Variants in CAMK2A observed in about 807,000 individuals in gnomAD.
The protein encoded by CAMK2A is calcium/calmodulin-dependent protein kinase type II subunit alpha.
CAMK2A carries 7 observed loss-of-function variants against 79.2 expected under a neutral mutation model. The ratio of observed to expected loss-of-function variants is 0.09; its 90% CI spans 0.05 to 0.17. The LOEUF (loss-of-function observed/expected upper bound fraction) is 0.17. Ranked by LOEUF, CAMK2A falls within the 10% of genes least tolerant of loss-of-function variation. The pLI is 1.00. For synonymous variants in CAMK2A, 242 were observed against 251.7 expected (o/e 0.96, Z 0.36); for missense variants, 214 against 646.4 (o/e 0.33, Z 7.25).
rs1234760774 is a variant in CAMK2A at position 150,256,716 on chromosome 5, A to G, written c.338+50T>C. 13 of 1,609,008 alleles carry G rather than the reference A, an allele frequency of 8.1e-6. No homozygotes were observed. Among genetic ancestry groups the G allele is most frequent in the Non-Finnish European group, 1.0e-5 (12 of 1,175,616 alleles). On this transcript the variant is annotated intron_variant, in intron 5 of 18. Transcript: ENST00000671881. This position sits in a 1 kb window ranked among gnomAD's most constrained non-coding sequence, Gnocchi z 4.6. Reference sequence around the variant, plus strand: ...CTCCCCTGGGAAGCTGACAGCAGGCAAGAGTGCCCTGTCCCCGGGTGCCAT... The same window carrying G: ...CTCCCCTGGGAAGCTGACAGCAGGCGAGAGTGCCCTGTCCCCGGGTGCCAT...
chr5:150,288,973 G>A (rs1045996063), intron 1 of CAMK2A, among the ~76,000 whole-genome samples: 10 of 152,248 alleles, frequency 6.6e-5, no homozygotes, highest in South Asian at 2.1e-4. Context: ...CCCAACACCC[G>A]GGAAGCCTGT....
intron 16 of CAMK2A, among the ~76,000 whole-genome samples, chr5:150,230,712 C>T (rs545302310): frequency 6.6e-6 from 1 of 152,330 alleles, no homozygotes; most frequent in East Asian, 1.9e-4. Context: ...ACACAGCTGC[C>T]CCTCCAAAGG....
At chr5:150,266,657 C>A (rs539482988) in intron 2 of CAMK2A, among the ~76,000 whole-genome samples, 1 of 152,216 alleles carries the variant, frequency 6.6e-6, no homozygotes, top group South Asian at 2.1e-4. Context: ...ATGATTTTTA[C>A]CCAGACAGTT....
chr5:150,255,371 GC>G lies in CAMK2A; in HGVS notation c.411+1201del, dbSNP rs574788516. ...GAGAGGGGCAGGGTCTCTCTTCAGAGCATTGTGCCCCAAAGAGGGACCCAGA... is the reference window on the plus strand; with the variant it reads ...GAGAGGGGCAGGGTCTCTCTTCAGAGATTGTGCCCCAAAGAGGGACCCAGA... On this transcript the variant is annotated intron_variant, in intron 6 of 18. Coordinates refer to ENST00000671881, the MANE Select transcript of CAMK2A (RefSeq NM_015981.4). 2.1e-3 allele frequency among the ~76,000 whole-genome samples: 317 copies of G among 152,372 alleles called. 1 individual carries two copies. The highest frequency in any genetic ancestry group is 3.1e-3 in the Non-Finnish European group (213 of 68,032).
intron 16 of CAMK2A, among the ~76,000 whole-genome samples, chr5:150,230,221 G>A (rs1486138616): frequency 6.6e-6 from 1 of 150,978 alleles, no homozygotes; most frequent in Admixed American, 6.6e-5. Context: ...AGGAGGCTGA[G>A]GCAGGAGAAT....
chr5:150,256,611 G>A lies in CAMK2A; in HGVS notation c.373C>T (p.His125Tyr), dbSNP rs2150284751. The A allele has an allele frequency of 6.2e-7, 1 of 1,613,940 alleles. No individual in the cohort carries two copies. Among genetic ancestry groups the A allele is most frequent in the Non-Finnish European group, 8.5e-7 (1 of 1,180,000 alleles). Residue 125 changes from histidine (H) to tyrosine (Y), a missense_variant, in exon 6 of 19, where the codon CAC (histidine) becomes TAC (tyrosine). Physicochemically the swap from His to Tyr is moderately conservative, Grantham distance 83. Around this residue, in one of 4 missense-constraint regions of CAMK2A, gnomAD observed 72 missense variants for 333.9 expected, o/e 0.22. Coordinates refer to ENST00000671881, the MANE Select transcript of CAMK2A (RefSeq NM_015981.4). This position sits in a 1 kb window ranked among gnomAD's most constrained non-coding sequence, Gnocchi z 4.6. ...TGCACCACCCCCATCTGGTGGCAGT[G>A]CAGCACAGCCTCCAGGATCTGCTGG... The part of the protein sequence containing the change: ...CIQQILEAVL[H>Y]CHQMGVVHRD...
At chr5:150,230,988 A>G (rs902045210) in intron 16 of CAMK2A, among the ~76,000 whole-genome samples, 1 of 152,122 alleles carries the variant, frequency 6.6e-6, no homozygotes, top group Non-Finnish European at 1.5e-5. Flanking sequence ...GAGGAGGCCC[A>G]TGCTGTGATA....
chr5:150,257,271 C>A (rs918139763), intron 4 of CAMK2A, among the ~76,000 whole-genome samples: 3 of 151,394 alleles, frequency 2.0e-5, no homozygotes, highest in Admixed American at 1.3e-4. Flanking sequence ...CAACACTCCT[C>A]AAAAAAAAAT....
At chr5:150,224,543 G>A (rs1168223496) in intron 17 of CAMK2A, among the ~76,000 whole-genome samples, 1 of 151,922 alleles carries the variant, frequency 6.6e-6, no homozygotes, top group East Asian at 1.9e-4. Flanking sequence ...TCAGAAGCAC[G>A]CTACACCCAG....
chr5:150,265,062 T>C, intron 2 of CAMK2A, 47 bp from the exon 3 acceptor site: 2 of 1,380,456 alleles, frequency 1.4e-6, no homozygotes, highest in South Asian at 2.3e-5. Flanking sequence ...AAGGAACCAT[T>C]ACCCTCCATC....
intron 13 of CAMK2A, among the ~76,000 whole-genome samples, chr5:150,240,765 C>T (rs1240871137): frequency 6.6e-6 from 1 of 152,214 alleles, no homozygotes. Flanking sequence ...AACCCAGGCC[C>T]TGCGTTCAGG....
Position 150,251,976 on chromosome 5 carries a change from A to G in CAMK2A, c.598+6T>C. 6.2e-7 allele frequency: 1 copy of G among 1,612,692 alleles called. No homozygotes were observed. The highest frequency in any genetic ancestry group is 8.5e-7 in the Non-Finnish European group (1 of 1,179,002). ...GGGGCACAAAAGGGCCTTAGGATGA[A>G]CTCACCACAAGCCCACAGGTCCACA... On this transcript the variant is annotated splice_donor_region_variant and intron_variant, in intron 8 of 18. Coordinates refer to ENST00000671881, the MANE Select transcript of CAMK2A (RefSeq NM_015981.4).
intron 13 of CAMK2A, among the ~76,000 whole-genome samples, chr5:150,244,868 GA>G (rs1213280743): frequency 1.3e-5 from 2 of 152,150 alleles, no homozygotes; most frequent in Non-Finnish European, 2.9e-5. Context: ...GAGAACCACA[GA>G]AATCTCCTTC....
chr5:150,287,128 C>A (rs560871067), intron 1 of CAMK2A, among the ~76,000 whole-genome samples: 1 of 152,188 alleles, frequency 6.6e-6, no homozygotes, highest in African/African-American at 2.4e-5. Context: ...AGAGCAGGAG[C>A]CCCAGGCTCC....
chr5:150,235,925 C>A (rs1466765886), intron 15 of CAMK2A, among the ~76,000 whole-genome samples: 3 of 152,130 alleles, frequency 2.0e-5, no homozygotes, highest in African/African-American at 7.2e-5. Flanking sequence ...GGGAGAAGCT[C>A]CTGGCTGACC....
At chr5:150,222,873 A>C (rs1580891185) in intron 18 of CAMK2A, 116 bp downstream of exon 18, 1 of 1,385,696 alleles carries the variant, frequency 7.2e-7, no homozygotes, top group Non-Finnish European at 1.0e-6. Flanking sequence ...GGGTCTCCCC[A>C]CCCCACTCTG....
Position 150,273,164 on chromosome 5 carries a change from G to A in CAMK2A, c.63-5C>T. ...CGCACCACCGAGAAGGCTCCCCTAG[G>A]AGGACAGAGAAGGTGGAGAGGGTGA... On this transcript the variant is annotated splice_polypyrimidine_tract_variant and splice_region_variant and intron_variant, in intron 1 of 18. Coordinates refer to ENST00000671881, the MANE Select transcript of CAMK2A (RefSeq NM_015981.4). 2 of 1,611,470 alleles carry A rather than the reference G, an allele frequency of 1.2e-6. No individual in the cohort carries two copies. The highest frequency in any genetic ancestry group is 1.7e-6 in the Non-Finnish European group (2 of 1,178,308).
chr5:150,238,139 A>G (rs756038387), intron 15 of CAMK2A: 1 of 153,352 alleles, frequency 6.5e-6, no homozygotes, highest in South Asian at 2.0e-4. Flanking sequence ...TAATACACAT[A>G]TAATATATAT....
At chr5:150,241,915 A>T (rs796306915) in intron 13 of CAMK2A, among the ~76,000 whole-genome samples, 7 of 152,128 alleles carry the variant, frequency 4.6e-5, no homozygotes, top group African/African-American at 1.7e-4. Context: ...CAGGCCCCAC[A>T]CAGCTCAGCT....
Sources: gnomAD v4.1 joint callset for allele counts (sites outside exome capture counted in the v4.1 genomes callset) on GRCh38, gnomAD v4.1.1 for gene constraint, gnomAD v4.1.1 regional missense constraint, Gnocchi (gnomAD v3.1) non-coding constraint, MANE v1.5 for transcripts, NCBI Gene and HGNC (gene_info 2026-07-23, HGNC 2026-07-21) for gene names.